The following ATP13A4 variants were observed in gnomAD, a reference collection of about 807,000 sequenced individuals.
The protein encoded by ATP13A4 is probable cation-transporting ATPase 13A4.
In ATP13A4, 114 loss-of-function variants were observed where a neutral mutation model predicts 142.5. The observed-to-expected ratio is 0.80, with a 90% CI of 0.69 to 0.93. The LOEUF (loss-of-function observed/expected upper bound fraction) is 0.93. Ranked by LOEUF, ATP13A4 falls within the 40% of genes least tolerant of loss-of-function variation. The probability of loss-of-function intolerance (pLI) is 0.00; values close to 1 mark genes in which losing one functional copy is unlikely to be tolerated. For missense variants in ATP13A4, 1,392 were observed against 1,454.0 expected (o/e 0.96, Z 0.69); for synonymous variants, 488 against 514.8 (o/e 0.95, Z 0.70).
chr3:193,529,224 C>G (rs1045855174), intron 1 of ATP13A4, among the ~76,000 whole-genome samples: 2 of 150,992 alleles, frequency 1.3e-5, no homozygotes, highest in Non-Finnish European at 2.9e-5. Flanking sequence ...GAGCTGAGAT[C>G]GCGCCACTAC....
intron 14 of ATP13A4, among the ~76,000 whole-genome samples, chr3:193,458,316 C>T (rs1717755867): frequency 6.6e-6 from 1 of 152,186 alleles, no homozygotes; most frequent in Non-Finnish European, 1.5e-5. Flanking sequence ...TGGAGTAACT[C>T]CAGCTATTTA....
chr3:193,555,328 T>C (rs1723844173), upstream of ATP13A4, among the ~76,000 whole-genome samples: 1 of 152,276 alleles, frequency 6.6e-6, no homozygotes, highest in African/African-American at 2.4e-5. Flanking sequence ...CACAGGTTTC[T>C]AATAGTACTC....
At chr3:193,533,685 A>G (rs1722442780) in intron 1 of ATP13A4, among the ~76,000 whole-genome samples, 1 of 152,206 alleles carries the variant, frequency 6.6e-6, no homozygotes, top group Non-Finnish European at 1.5e-5. Flanking sequence ...CTCTAGGTAA[A>G]CACCACAGAA....
At chr3:193,478,371 C>T (rs1719092482) in intron 8 of ATP13A4, among the ~76,000 whole-genome samples, 1 of 151,382 alleles carries the variant, frequency 6.6e-6, no homozygotes, top group Non-Finnish European at 1.5e-5. Flanking sequence ...AATTGATGGA[C>T]CATTAGTGAG....
intron 1 of ATP13A4, among the ~76,000 whole-genome samples, chr3:193,550,027 T>G (rs1169350482): frequency 6.6e-6 from 1 of 152,220 alleles, no homozygotes; most frequent in Non-Finnish European, 1.5e-5. Context: ...AGTGATGTGC[T>G]GGTAAGTATT....
chr3:193,440,462 C>A, intron 21 of ATP13A4, 96 bp downstream of exon 21: 1 of 1,588,108 alleles, frequency 6.3e-7, no homozygotes, highest in East Asian at 2.3e-5. Context: ...GGACCACTGC[C>A]CTTGTCAAAC....
intron 29 of ATP13A4, among the ~76,000 whole-genome samples, chr3:193,406,078 GT>G (rs1474591152): frequency 6.6e-6 from 1 of 152,158 alleles, no homozygotes; most frequent in African/African-American, 2.4e-5. Flanking sequence ...CTGACAACCT[GT>G]TAGAAATGCT....
intron 26 of ATP13A4, among the ~76,000 whole-genome samples, chr3:193,413,410 A>G (rs941806989): frequency 2.6e-5 from 4 of 152,320 alleles, no homozygotes; most frequent in Non-Finnish European, 4.4e-5. Flanking sequence ...GAACAGAATA[A>G]CAGCAATTTT....
intron 10 of ATP13A4, among the ~76,000 whole-genome samples, chr3:193,466,550 T>G (rs1313453619): frequency 6.6e-6 from 1 of 152,246 alleles, no homozygotes; most frequent in South Asian, 2.1e-4. Flanking sequence ...TAAATACTGA[T>G]GGACTCACTT....
At chr3:193,422,652 G>A (rs893074155) in intron 25 of ATP13A4, among the ~76,000 whole-genome samples, 1 of 149,436 alleles carries the variant, frequency 6.7e-6, no homozygotes, top group Admixed American at 6.9e-5. Flanking sequence ...GAAGAAATTA[G>A]AAGAGAAGTT....
At chr3:193,555,049 G>T, upstream of ATP13A4, 2 of 882,206 alleles carry the variant, frequency 2.3e-6, no homozygotes, top group South Asian at 1.7e-5. Flanking sequence ...TTCTCTCAGA[G>T]CAGCTGTCTC....
chr3:193,517,239 G>A (rs865809890), intron 1 of ATP13A4, among the ~76,000 whole-genome samples: 43 of 152,142 alleles, frequency 2.8e-4, no homozygotes, highest in African/African-American at 8.7e-4. Context: ...TGTGCTAGAC[G>A]CAGAGATAAA....
chr3:193,541,248 C>CA (rs71179308), intron 1 of ATP13A4, among the ~76,000 whole-genome samples: 1,595 of 50,818 alleles, frequency 0.031, 63 homozygotes, highest in Admixed American at 0.07. Flanking sequence ...GACTCCTTCT[C>CA]AAAAAAAAAA....
intron 1 of ATP13A4, among the ~76,000 whole-genome samples, chr3:193,549,425 T>C (rs1245831584): frequency 4.8e-5 from 7 of 146,716 alleles, no homozygotes; most frequent in Admixed American, 2.7e-4. Context: ...CAAATATATA[T>C]ATATATATAG....
rs752880122 is a variant in ATP13A4, at chr3:193,454,259, C to T, written c.1916-47G>A. On this transcript the variant is annotated intron_variant, in intron 16 of 29. Coordinates refer to ENST00000342695, the MANE Select transcript of ATP13A4 (RefSeq NM_032279.4). ...GTTAGTACGCAGTTATTTGCTTAGG[C>T]AGTACTGGCAAAGAAATTCTTTACA... The T allele has an allele frequency of 4.2e-5, 58 of 1,385,090 alleles. No homozygotes were observed. In the Admixed American group the frequency reaches 9.6e-4, roughly 23 times the overall value. The allele number at this position is 1,385,090 out of a possible 1,614,324, so 85.8% of individuals were successfully genotyped here. A position where few individuals can be genotyped will look rare whatever the true frequency, so the allele number is the denominator to read the frequency against.
chr3:193,522,244 C>A (rs1016517853), intron 1 of ATP13A4, among the ~76,000 whole-genome samples: 9 of 152,226 alleles, frequency 5.9e-5, no homozygotes, highest in African/African-American at 2.2e-4. Flanking sequence ...AGAAAAGCAA[C>A]TTATCCCACC....
chr3:193,463,031 A>C (rs1365162266), intron 12 of ATP13A4, among the ~76,000 whole-genome samples: 1 of 152,128 alleles, frequency 6.6e-6, no homozygotes, highest in Non-Finnish European at 1.5e-5. Flanking sequence ...TCCGTAGTGC[A>C]GATAAATAAG....
chr3:193,440,341 T>C (rs147918954), intron 21 of ATP13A4: 1 of 855,544 alleles, frequency 1.2e-6, no homozygotes, highest in East Asian at 3.1e-5. Context: ...AAAATACTGA[T>C]TTTTTAAGCC....
chr3:193,405,959 A>C (rs1215488731), intron 29 of ATP13A4, among the ~76,000 whole-genome samples: 4 of 152,168 alleles, frequency 2.6e-5, no homozygotes, highest in Non-Finnish European at 4.4e-5. Flanking sequence ...ACTGGGTCTG[A>C]GGACACCCGT....
Sources: allele counts gnomAD v4.1 joint callset (sites outside exome capture counted in the v4.1 genomes callset), GRCh38; gene constraint gnomAD v4.1.1; transcripts MANE v1.5; gene names NCBI Gene and HGNC (gene_info 2026-07-23, HGNC 2026-07-21).